Variants in DCTN4 observed in about 807,000 individuals in gnomAD.
The protein encoded by DCTN4 is dynactin subunit 4, also known as dynactin 4 (p62).
Under a neutral mutation model 62.7 loss-of-function variants are expected in DCTN4, and 23 were observed. The observed-to-expected ratio is 0.37, with a 90% CI of 0.26 to 0.52. The LOEUF is 0.52. DCTN4 is among the 20% of genes least tolerant of loss of function. The pLI is 0.92. For synonymous variants in DCTN4, 199 were observed against 202.1 expected (o/e 0.98, Z 0.13); for missense variants, 514 against 580.4 (o/e 0.89, Z 1.18).
At chr5:150,725,139 C>T (rs1760095491) in intron 8 of DCTN4, among the ~76,000 whole-genome samples, 1 of 121,246 alleles carries the variant, frequency 8.2e-6, no homozygotes, top group Non-Finnish European at 1.6e-5. Flanking sequence ...GCATGAGCAA[C>T]AGAGTGAGAC....
intron 3 of DCTN4, among the ~76,000 whole-genome samples, chr5:150,753,144 C>T (rs748798364): frequency 5.3e-5 from 8 of 152,214 alleles, no homozygotes; most frequent in Non-Finnish European, 1.0e-4. Flanking sequence ...GGATTACAGG[C>T]GTGAGCCACC....
At chr5:150,749,005 C>A (rs76339046) in intron 3 of DCTN4, among the ~76,000 whole-genome samples, 1,733 of 151,966 alleles carry the variant, frequency 0.011, 11 homozygotes, top group Non-Finnish European at 0.016. Flanking sequence ...TACAGCACTT[C>A]TAGAAGAAAA....
intron 3 of DCTN4, among the ~76,000 whole-genome samples, chr5:150,753,148 A>T (rs959702696): frequency 3.9e-5 from 6 of 152,228 alleles, no homozygotes; most frequent in African/African-American, 1.4e-4. Context: ...TACAGGCGTG[A>T]GCCACCGTGC....
Position 150,710,347 on chromosome 5 carries a change from T to C in DCTN4, c.*802A>G, listed in dbSNP as rs578128958. ...GGGTAGGAAGTAAGACAAATAAAGATTGCCCCCCTGTGGCAGCATTAATCC... is the reference window on the plus strand; with the variant it reads ...GGGTAGGAAGTAAGACAAATAAAGACTGCCCCCCTGTGGCAGCATTAATCC... On this transcript the variant is annotated 3_prime_UTR_variant, in exon 13 of 13. Coordinates refer to ENST00000447998, the MANE Select transcript of DCTN4 (RefSeq NM_016221.4). 24 of 152,420 alleles carry C rather than the reference T, an allele frequency of 1.6e-4. No homozygotes were observed. The highest frequency in any genetic ancestry group is 5.8e-4 in the African/African-American group (24 of 41,550). 9.4% of individuals were successfully genotyped at this position (152,420 alleles called of 1,614,324 possible). A position where few individuals can be genotyped will look rare whatever the true frequency, so the allele number is the denominator to read the frequency against.
chr5:150,744,634 T>C (rs892636576), intron 3 of DCTN4, among the ~76,000 whole-genome samples: 1 of 151,540 alleles, frequency 6.6e-6, no homozygotes, highest in African/African-American at 2.4e-5. Flanking sequence ...GGGGCCAATA[T>C]TCAACATTCT....
intron 3 of DCTN4, among the ~76,000 whole-genome samples, chr5:150,747,488 C>T (rs1169880549): frequency 2.0e-5 from 3 of 152,180 alleles, no homozygotes; most frequent in Non-Finnish European, 2.9e-5. Flanking sequence ...CCAAGTCAAT[C>T]CTAAGCCAAA....
chr5:150,757,886 C>T (rs1273151919), intron 1 of DCTN4: 1 of 169,376 alleles, frequency 5.9e-6, no homozygotes. Flanking sequence ...CCAGGTCCTC[C>T]TTCCCACCCC....
At chr5:150,753,086 C>T (rs554882580) in intron 3 of DCTN4, among the ~76,000 whole-genome samples, 10 of 152,204 alleles carry the variant, frequency 6.6e-5, no homozygotes, top group Admixed American at 5.2e-4. Context: ...AGGATGGTCT[C>T]GATCTCCTGA....
At chr5:150,712,296 A>C (rs1251880754) in intron 12 of DCTN4, among the ~76,000 whole-genome samples, 1 of 151,848 alleles carries the variant, frequency 6.6e-6, no homozygotes, top group Admixed American at 6.6e-5. Context: ...CGCCCAGCTA[A>C]TTTTTATAAT....
intron 3 of DCTN4, among the ~76,000 whole-genome samples, chr5:150,746,554 A>G (rs1324172037): frequency 6.6e-6 from 1 of 152,172 alleles, no homozygotes; most frequent in Non-Finnish European, 1.5e-5. Context: ...ATACTGGCAA[A>G]CCGAATGCAG....
intron 11 of DCTN4, among the ~76,000 whole-genome samples, chr5:150,717,221 A>G (rs1477076417): frequency 6.6e-6 from 1 of 152,170 alleles, no homozygotes; most frequent in East Asian, 1.9e-4. Flanking sequence ...TTCAACTCAC[A>G]CTGAGTCAAA....
intron 6 of DCTN4, 68 bp downstream of exon 6, chr5:150,731,347 AT>A (rs1211502350): frequency 1.5e-6 from 2 of 1,313,474 alleles, no homozygotes; most frequent in Non-Finnish European, 2.2e-6. Flanking sequence ...GTGTGTTTTA[AT>A]CTCATTTATT....
intron 10 of DCTN4, 48 bp from the exon 11 acceptor site, chr5:150,718,431 T>A (rs1759847709): frequency 7.1e-7 from 1 of 1,410,478 alleles, no homozygotes; most frequent in African/African-American, 1.4e-5. Context: ...CTTTCTTAGC[T>A]GCTATACCGA....
At chr5:150,756,698 C>T (rs890993060) in intron 1 of DCTN4, among the ~76,000 whole-genome samples, 12 of 150,280 alleles carry the variant, frequency 8.0e-5, no homozygotes, top group Non-Finnish European at 1.6e-4. Flanking sequence ...CTGATCTTTC[C>T]TATTCCATCA....
intron 10 of DCTN4, among the ~76,000 whole-genome samples, chr5:150,719,500 T>G (rs1759885711): frequency 6.6e-6 from 1 of 152,192 alleles, no homozygotes; most frequent in Non-Finnish European, 1.5e-5. Flanking sequence ...CACCTTAACA[T>G]AATGTGCACC....
intron 3 of DCTN4, 47 bp downstream of exon 3, chr5:150,753,432 G>A: frequency 6.5e-7 from 1 of 1,549,988 alleles, no homozygotes; most frequent in South Asian, 1.1e-5. Context: ...GGCAATTATA[G>A]CACTGTCAAT....
intron 9 of DCTN4, 94 bp from the exon 10 acceptor site, chr5:150,719,864 T>G: frequency 2.7e-6 from 2 of 752,604 alleles, no homozygotes; most frequent in Non-Finnish European, 4.3e-6. Context: ...AAGGATTTCA[T>G]GTTAATTAGA....
chr5:150,717,707 T>G (rs923014144), intron 11 of DCTN4, among the ~76,000 whole-genome samples: 2 of 152,190 alleles, frequency 1.3e-5, no homozygotes, highest in Non-Finnish European at 2.9e-5. Context: ...AAGGGGCATG[T>G]ATGTTAGGGG....
Position 150,757,465 on chromosome 5 carries a change from C to T in DCTN4, c.136-978G>A, listed in dbSNP as rs369835098. Among the ~76,000 whole-genome samples the T allele has an allele frequency of 1.1e-4, 16 of 152,258 alleles. No individual in the cohort carries two copies. The East Asian group carries it at 2.1e-3, about 20-fold the overall frequency. On this transcript the variant is annotated intron_variant, in intron 1 of 12. Transcript: ENST00000447998. ...CCCTAAACTCTAATGGCCTCCATAT[C>T]ACAGGTACACATCAGGCTGTAAAAG...
Sources: allele counts gnomAD v4.1 joint callset (sites outside exome capture counted in the v4.1 genomes callset), GRCh38; gene constraint gnomAD v4.1.1; transcripts MANE v1.5; gene names NCBI Gene and HGNC (gene_info 2026-07-23, HGNC 2026-07-21).